GTF3C3: variants seen among roughly 807,000 people sequenced by gnomAD.
GTF3C3 encodes the protein general transcription factor IIIC subunit 3, also known as general transcription factor 3C polypeptide 3.
A neutral mutation model predicts 105.2 loss-of-function variants in GTF3C3; 75 were observed. The observed-to-expected ratio is 0.71, with a 90% CI of 0.59 to 0.86. The LOEUF (loss-of-function observed/expected upper bound fraction) is 0.86. Ranked by LOEUF, GTF3C3 falls within the 40% of genes least tolerant of loss-of-function variation. GTF3C3 has a pLI of 0.00. For missense variants in GTF3C3, 856 were observed against 1,076.5 expected (o/e 0.80, Z 2.87); for synonymous variants, 335 against 370.4 (o/e 0.90, Z 1.10).
chr2:196,769,088 G>T (rs1190400960), intron 16 of GTF3C3, among the ~76,000 whole-genome samples: 4 of 152,166 alleles, frequency 2.6e-5, no homozygotes, highest in Non-Finnish European at 5.9e-5. Flanking sequence ...AGAAGTTTTT[G>T]TTTTTCAGGA....
intron 15 of GTF3C3, among the ~76,000 whole-genome samples, chr2:196,771,129 AAGG>A (rs916148090): frequency 6.6e-6 from 1 of 152,108 alleles, no homozygotes; most frequent in African/African-American, 2.4e-5. Flanking sequence ...TTTTTTTTAA[AAGG>A]AGACTCTGCA....
At chr2:196,797,469 T>C (rs1699666724) in intron 2 of GTF3C3, among the ~76,000 whole-genome samples, 1 of 152,200 alleles carries the variant, frequency 6.6e-6, no homozygotes, top group Non-Finnish European at 1.5e-5. Flanking sequence ...TGTAATTCAT[T>C]ACAATTTGAG....
At chr2:196,774,733 T>A (rs906981969) in intron 13 of GTF3C3, among the ~76,000 whole-genome samples, 1 of 152,240 alleles carries the variant, frequency 6.6e-6, no homozygotes, top group Non-Finnish European at 1.5e-5. Flanking sequence ...AGAGTTTCTA[T>A]GACTATTGCT....
chr2:196,795,288 T>A (rs1467809396), intron 2 of GTF3C3, among the ~76,000 whole-genome samples: 2 of 152,226 alleles, frequency 1.3e-5, no homozygotes, highest in Non-Finnish European at 2.9e-5. Context: ...CCCACCCACC[T>A]CAGCCTCCCA....
At chr2:196,793,615 A>G (rs1699590756) in intron 2 of GTF3C3, among the ~76,000 whole-genome samples, 1 of 152,142 alleles carries the variant, frequency 6.6e-6, no homozygotes, top group Non-Finnish European at 1.5e-5. Context: ...TGCTCTATAC[A>G]TCAGTTTCTT....
intron 7 of GTF3C3, among the ~76,000 whole-genome samples, chr2:196,785,155 T>C (rs1699434940): frequency 6.6e-6 from 1 of 152,046 alleles, no homozygotes; most frequent in Non-Finnish European, 1.5e-5. Flanking sequence ...CAACCTACTT[T>C]CCCCCAACCA....
chr2:196,780,172 A>T, intron 9 of GTF3C3: 1 of 560,090 alleles, frequency 1.8e-6, no homozygotes, highest in Non-Finnish European at 2.3e-6. Flanking sequence ...TGTATATTTT[A>T]CTCAATATCT....
intron 15 of GTF3C3, among the ~76,000 whole-genome samples, chr2:196,770,933 C>T (rs1057283455): frequency 2.0e-5 from 3 of 151,940 alleles, no homozygotes; most frequent in Non-Finnish European, 4.4e-5. Context: ...ACTGGATGAA[C>T]GATGATAAAA....
Position 196,792,965 on chromosome 2 carries a change from T to A in GTF3C3, c.402A>T (p.Lys134Asn). 1.9e-6 allele frequency: 3 copies of A among 1,608,962 alleles called. No individual in the cohort carries two copies. Among genetic ancestry groups the A allele is most frequent in the African/African-American group, 1.3e-5 (1 of 74,876 alleles). Residue 134 changes from lysine to asparagine, a missense_variant, in exon 3 of 18, where the codon AAA (lysine) becomes AAT (asparagine). Coordinates refer to ENST00000263956, the MANE Select transcript of GTF3C3 (RefSeq NM_012086.5). ...ATAAGTAAAAATTTACTTTCATCAT[T>A]TTCTTGGTTTCACGATTGAGAACCA... is the stretch of plus-strand genomic sequence containing the variant. ...LEMVLNRETKKMMKEKRPRSK... is the reference protein window; with the variant it reads ...LEMVLNRETKNMMKEKRPRSK...
Position 196,787,349 on chromosome 2 carries a change from T to G in GTF3C3, c.894-1761A>C, listed in dbSNP as rs545739650. On this transcript the variant is annotated intron_variant, in intron 6 of 17. Coordinates refer to ENST00000263956, the MANE Select transcript of GTF3C3 (RefSeq NM_012086.5). The stretch of plus-strand genomic sequence containing the variant: ...AAATTTAAGTCAGACCATGTCACTT[T>G]TCTACTCAAAATCTTCCAGTGACTT... Among the ~76,000 whole-genome samples, 8 of 152,290 alleles carry G rather than the reference T, an allele frequency of 5.3e-5. No homozygotes were observed. In the South Asian group the frequency reaches 1.7e-3, roughly 32 times the overall value.
At chr2:196,780,809 T>C in intron 8 of GTF3C3, 147 bp from the exon 9 acceptor site, 1 of 906,298 alleles carries the variant, frequency 1.1e-6, no homozygotes, top group Non-Finnish European at 1.6e-6. Context: ...TTCTTATATC[T>C]CTCTCAGTCT....
chr2:196,796,079 A>G (rs1420552990), intron 2 of GTF3C3, among the ~76,000 whole-genome samples: 1 of 152,218 alleles, frequency 6.6e-6, no homozygotes, highest in Non-Finnish European at 1.5e-5. Context: ...TCCAGAGGAA[A>G]AGGACAACTA....
chr2:196,785,916 C>A (rs865838758), intron 6 of GTF3C3, among the ~76,000 whole-genome samples: 1 of 152,118 alleles, frequency 6.6e-6, no homozygotes, highest in African/African-American at 2.4e-5. Context: ...GCCTACACCC[C>A]GCCTGGGCTC....
At chr2:196,790,978 C>CA (rs1339105666) in intron 4 of GTF3C3, among the ~76,000 whole-genome samples, 1 of 150,078 alleles carries the variant, frequency 6.7e-6, no homozygotes, top group African/African-American at 2.5e-5. Context: ...TGTCTTTTAC[C>CA]AAAAAAATAG....
At chr2:196,777,523 T>C (rs1292941101) in intron 10 of GTF3C3, 1 of 152,206 alleles carries the variant, frequency 6.6e-6, no homozygotes, top group African/African-American at 2.4e-5. Context: ...ATCTCCTAAG[T>C]ATTTTTACCT....
intron 8 of GTF3C3, among the ~76,000 whole-genome samples, chr2:196,782,358 G>C (rs1439940294): frequency 6.6e-6 from 1 of 150,784 alleles, no homozygotes; most frequent in Non-Finnish European, 1.5e-5. Context: ...TTGTTAGAGA[G>C]TCCAAACGGA....
chr2:196,774,750 G>T (rs1699234268), intron 13 of GTF3C3, among the ~76,000 whole-genome samples: 1 of 152,142 alleles, frequency 6.6e-6, no homozygotes, highest in Non-Finnish European at 1.5e-5. Context: ...TGCTACATTT[G>T]TTAAAAATTA....
intron 2 of GTF3C3, among the ~76,000 whole-genome samples, chr2:196,796,125 T>G (rs1286403726): frequency 6.6e-6 from 1 of 152,204 alleles, no homozygotes; most frequent in Non-Finnish European, 1.5e-5. Context: ...CTGCCAAAGC[T>G]TGTTCAAAAC....
chr2:196,773,396 A>G (rs189737675), intron 13 of GTF3C3, among the ~76,000 whole-genome samples: 3 of 152,198 alleles, frequency 2.0e-5, no homozygotes, highest in Non-Finnish European at 2.9e-5. Context: ...CTTGGTCTCT[A>G]CAAGTTCCAG....
Sources: gnomAD v4.1 joint callset for allele counts (sites outside exome capture counted in the v4.1 genomes callset) on GRCh38, gnomAD v4.1.1 for gene constraint, MANE v1.5 for transcripts, NCBI Gene and HGNC (gene_info 2026-07-23, HGNC 2026-07-21) for gene names.